TBL1Y: variants seen among roughly 807,000 people sequenced by gnomAD.
TBL1Y encodes F-box-like/WD repeat-containing protein TBL1Y.
A neutral mutation model predicts 12.0 loss-of-function variants in TBL1Y; 15 were observed. The ratio of observed to expected loss-of-function variants is 1.25; its 90% confidence interval spans 0.83 to 1.92. TBL1Y has a LOEUF of 1.92. Among genes scored for constraint, TBL1Y ranks in the 40% most tolerant of loss-of-function variants. TBL1Y has a pLI of 0.00. For synonymous variants in TBL1Y, 53 were observed against 42.6 expected (o/e 1.24, Z -0.95); for missense variants, 148 against 116.7 (o/e 1.27, Z -1.24).
intron 8 of TBL1Y, among the ~76,000 whole-genome samples, chrY:7,065,586 T>C (rs2012976924): frequency 3.0e-5 from 1 of 33,796 alleles, no homozygotes; most frequent in African/African-American, 1.2e-4. Flanking sequence ...GCCTGTCCTC[T>C]CCACCACTGT....
chrY:7,083,189 A>G (rs2013109868), intron 14 of TBL1Y, among the ~76,000 whole-genome samples: 1 of 34,053 alleles, frequency 2.9e-5, no homozygotes, highest in Admixed American at 2.6e-4. Context: ...TAAGTGGGTC[A>G]TACTGTGGCT....
chrY:7,011,632 G>C, intron 4 of TBL1Y, among the ~76,000 whole-genome samples: 2 of 33,849 alleles, frequency 5.9e-5, no homozygotes, highest in Non-Finnish European at 1.5e-4. Context: ...CTCTTTCAGT[G>C]TGGCCATTCT....
At chrY:7,017,714 T>C (rs748890472) in intron 4 of TBL1Y, among the ~76,000 whole-genome samples, 13 of 34,081 alleles carry the variant, frequency 3.8e-4, no homozygotes, top group African/African-American at 1.5e-3. Flanking sequence ...ACCAGCTGAT[T>C]TGCATATAGG....
chrY:7,087,421 T>C lies in TBL1Y; in HGVS notation c.1435T>C (p.Trp479Arg). ...SGSFDKYVHI[W>R]NTQSGSLVHS... ...ATCCTTTGACAAGTATGTTCATATC[T>C]GGAATACTCAGGTAAGCTCCTGACC... The change falls in exon 17 of 19, where the codon TGG (tryptophan) becomes CGG (arginine). Residue 479 changes from tryptophan to arginine, a missense_variant. Physicochemically the swap from Trp to Arg is moderately radical, Grantham distance 101. Coordinates refer to ENST00000383032, the MANE Select transcript of TBL1Y (RefSeq NM_033284.2). 2.5e-6 allele frequency: 1 copy of C among 396,071 alleles called. No individual in the cohort carries two copies. The highest frequency in any genetic ancestry group is 5.9e-4 in the Middle Eastern group (1 of 1,687).
chrY:7,021,942 C>T, intron 5 of TBL1Y, among the ~76,000 whole-genome samples: 8 of 33,282 alleles, frequency 2.4e-4, no homozygotes, highest in African/African-American at 8.2e-4. Flanking sequence ...ATTTTGTGCT[C>T]CATTAGTTTT....
At chrY:7,064,992 G>C in intron 8 of TBL1Y, among the ~76,000 whole-genome samples, 2 of 33,621 alleles carry the variant, frequency 5.9e-5, no homozygotes, top group African/African-American at 1.2e-4. Context: ...GCAGGAAAAG[G>C]AGAGTAAGAG....
intron 8 of TBL1Y, among the ~76,000 whole-genome samples, chrY:7,067,550 G>A (rs932623428): frequency 1.2e-4 from 4 of 33,728 alleles, no homozygotes; most frequent in Non-Finnish European, 2.2e-4. Context: ...GGGACATTTG[G>A]AAGGAATGAT....
intron 2 of TBL1Y, among the ~76,000 whole-genome samples, chrY:6,968,430 T>C: frequency 3.0e-5 from 1 of 33,765 alleles, no homozygotes; most frequent in Non-Finnish European, 7.3e-5. Context: ...GATTGTACAT[T>C]CAAAAGGTTG....
chrY:7,044,740 G>T, intron 7 of TBL1Y, among the ~76,000 whole-genome samples: 1 of 32,609 alleles, frequency 3.1e-5, no homozygotes, highest in Non-Finnish European at 7.5e-5. Flanking sequence ...CCGCCTCCTG[G>T]GGTCACATGA....
At chrY:6,930,886 G>A (rs760676509) in intron 2 of TBL1Y, among the ~76,000 whole-genome samples, 1 of 33,095 alleles carries the variant, frequency 3.0e-5, no homozygotes, top group Non-Finnish European at 7.4e-5. Context: ...AGAGCTTGCT[G>A]CTGCTCACTC....
At chrY:6,951,653 G>GT (rs2012027988) in intron 2 of TBL1Y, among the ~76,000 whole-genome samples, 1 of 33,152 alleles carries the variant, frequency 3.0e-5, no homozygotes, top group African/African-American at 1.2e-4. Flanking sequence ...TTTTTGAAGG[G>GT]TTTTTTGTGT....
At chrY:6,996,854 G>C (rs369679751) in intron 4 of TBL1Y, among the ~76,000 whole-genome samples, 844 of 32,870 alleles carry the variant, frequency 0.026, no homozygotes, top group Middle Eastern at 0.097. Context: ...TGAAGGTAGG[G>C]ATATGATTTC....
intron 2 of TBL1Y, chrY:6,920,215 G>A (rs2011767465): frequency 3.0e-5 from 1 of 33,709 alleles, no homozygotes; most frequent in East Asian, 7.9e-4. Flanking sequence ...CTCATTGGTT[G>A]AGATGGGATG....
intron 14 of TBL1Y, among the ~76,000 whole-genome samples, chrY:7,083,636 G>A: frequency 3.8e-4 from 12 of 31,800 alleles, no homozygotes; most frequent in Admixed American, 3.4e-3. Context: ...GGCTGCTCCT[G>A]GGTCATATGT....
chrY:7,090,704 A>G, intron 18 of TBL1Y, among the ~76,000 whole-genome samples: 2 of 34,182 alleles, frequency 5.9e-5, no homozygotes, highest in Non-Finnish European at 1.5e-4. Context: ...ACTGAATACT[A>G]TAGGCAACTG....
At chrY:6,927,265 C>T in intron 2 of TBL1Y, among the ~76,000 whole-genome samples, 1 of 33,109 alleles carries the variant, frequency 3.0e-5, no homozygotes. Context: ...ACTCTTATTG[C>T]GTAGGCTGGA....
chrY:6,915,762 C>T, intron 2 of TBL1Y, among the ~76,000 whole-genome samples: 1 of 33,579 alleles, frequency 3.0e-5, no homozygotes, highest in Non-Finnish European at 7.4e-5. Flanking sequence ...TAGGAGGACA[C>T]TTCCACTAGA....
At chrY:7,058,167 G>A in intron 7 of TBL1Y, among the ~76,000 whole-genome samples, 2 of 33,477 alleles carry the variant, frequency 6.0e-5, no homozygotes, top group African/African-American at 2.3e-4. Flanking sequence ...TGCCATTCCA[G>A]TTACTTAGCA....
At chrY:7,011,928 G>T in intron 4 of TBL1Y, among the ~76,000 whole-genome samples, 1 of 33,169 alleles carries the variant, frequency 3.0e-5, no homozygotes, top group Non-Finnish European at 7.4e-5. Flanking sequence ...TTTCCAGTTG[G>T]AGTTAAATAT....
Sources: allele counts gnomAD v4.1 joint callset (sites outside exome capture counted in the v4.1 genomes callset), GRCh38; gene constraint gnomAD v4.1.1; transcripts MANE v1.5; gene names NCBI Gene and HGNC (gene_info 2026-07-23, HGNC 2026-07-21).